PEX5L: variants seen among roughly 807,000 people sequenced by gnomAD.
PEX5L encodes PEX5-related protein.
Under a neutral mutation model 84.0 loss-of-function variants are expected in PEX5L, and 30 were observed. The ratio of observed to expected loss-of-function variants is 0.36; its 90% CI spans 0.27 to 0.48. The LOEUF (loss-of-function observed/expected upper bound fraction) is 0.48, where lower values mean the gene tolerates loss of function less well. Among genes scored for constraint, PEX5L ranks in the 20% least tolerant of loss-of-function variants. The pLI is 0.99. For missense variants in PEX5L, 533 were observed against 754.6 expected (o/e 0.71, Z 3.44); for synonymous variants, 270 against 283.1 (o/e 0.95, Z 0.46).
chr3:179,832,261 G>GAGAGAT (rs1286258798), intron 8 of PEX5L, among the ~76,000 whole-genome samples: 1 of 151,918 alleles, frequency 6.6e-6, no homozygotes, highest in Non-Finnish European at 1.5e-5. Flanking sequence ...GACAGAGAGA[G>GAGAGAT]AGAGATAGAG....
At chr3:179,992,968 A>G (rs1787525595) in intron 1 of PEX5L, among the ~76,000 whole-genome samples, 1 of 152,128 alleles carries the variant, frequency 6.6e-6, no homozygotes. Context: ...TTAGGTGATG[A>G]AAATAAGATT....
At chr3:179,804,814 A>T (rs1044779454) in intron 14 of PEX5L, among the ~76,000 whole-genome samples, 2 of 152,122 alleles carry the variant, frequency 1.3e-5, no homozygotes, top group Non-Finnish European at 2.9e-5. Flanking sequence ...TTCAGAATTC[A>T]TTTAAGATTT....
chr3:179,808,461 AT>A (rs1722271196), intron 12 of PEX5L, 24 bp from the exon 13 acceptor site: 2 of 1,394,720 alleles, frequency 1.4e-6, no homozygotes, highest in Admixed American at 2.7e-5. Flanking sequence ...AAAAAATTAG[AT>A]TTGTAATCCA....
At chr3:179,967,057 G>T (rs1255725106) in intron 2 of PEX5L, among the ~76,000 whole-genome samples, 1 of 152,222 alleles carries the variant, frequency 6.6e-6, no homozygotes, top group Non-Finnish European at 1.5e-5. Context: ...AGGAGTGTTT[G>T]TAGGGAAGTT....
chr3:179,870,509 C>T (rs1032562721), intron 7 of PEX5L, among the ~76,000 whole-genome samples: 1 of 152,212 alleles, frequency 6.6e-6, no homozygotes, highest in Non-Finnish European at 1.5e-5. Flanking sequence ...GATCAAACCT[C>T]TTTCTCTGTT....
At position 179,795,575 on chromosome 3, in the gene PEX5L, C is replaced by G. The variant is rs539262042; in HGVS notation, c.*6253G>C. The G allele has an allele frequency of 1.3e-5, 2 of 152,154 alleles. No homozygotes were observed. The highest frequency in any genetic ancestry group is 2.4e-5 in the African/African-American group (1 of 41,436). The allele number at this position is 152,154 out of a possible 1,614,324, so 9.4% of individuals were successfully genotyped here. On this transcript the variant is annotated 3_prime_UTR_variant, in exon 15 of 15. Transcript: ENST00000467460. Reference sequence around the variant, plus strand: ...CCAATCACTTTAAAATCCCCTCCCCCCCATTGCCATTAATTTACTATAGGT... The same window carrying G: ...CCAATCACTTTAAAATCCCCTCCCCGCCATTGCCATTAATTTACTATAGGT...
chr3:180,012,927 G>A (rs1394081417), intron 1 of PEX5L, among the ~76,000 whole-genome samples: 1 of 151,940 alleles, frequency 6.6e-6, no homozygotes, highest in Non-Finnish European at 1.5e-5. Context: ...TTCATAACAT[G>A]GAGCTTAAAA....
intron 1 of PEX5L, among the ~76,000 whole-genome samples, chr3:180,006,878 T>C (rs926137027): frequency 5.9e-5 from 9 of 152,278 alleles, no homozygotes; most frequent in African/African-American, 2.2e-4. Flanking sequence ...TTCTGGGAGA[T>C]ACAATTAAAG....
At chr3:179,920,608 A>G (rs1223634284) in intron 2 of PEX5L, among the ~76,000 whole-genome samples, 3 of 152,216 alleles carry the variant, frequency 2.0e-5, no homozygotes, top group African/African-American at 4.8e-5. Context: ...TCTATTTTAG[A>G]AAAAGGAGAT....
intron 2 of PEX5L, among the ~76,000 whole-genome samples, chr3:179,922,627 T>C (rs1164863972): frequency 1.3e-5 from 2 of 151,948 alleles, no homozygotes; most frequent in Non-Finnish European, 2.9e-5. Context: ...TACTTTTTTG[T>C]ATTTTTAGTA....
chr3:179,855,091 G>A (rs1224297955), intron 8 of PEX5L, among the ~76,000 whole-genome samples: 5 of 152,172 alleles, frequency 3.3e-5, no homozygotes, highest in Non-Finnish European at 5.9e-5. Flanking sequence ...AAACTTGGGT[G>A]TGGGAGAGGA....
At chr3:180,026,133 C>CTTTTTTTT (rs368852075) in intron 1 of PEX5L, among the ~76,000 whole-genome samples, 22 of 101,712 alleles carry the variant, frequency 2.2e-4, no homozygotes, top group South Asian at 6.8e-4. Context: ...TTTCAGCATT[C>CTTTTTTTT]TTTTTTTTTT....
chr3:180,032,290 A>G (rs1791531596), intron 1 of PEX5L, among the ~76,000 whole-genome samples: 1 of 152,198 alleles, frequency 6.6e-6, no homozygotes, highest in African/African-American at 2.4e-5. Flanking sequence ...ATAAGATGAC[A>G]TTTGAGGAAG....
intron 1 of PEX5L, among the ~76,000 whole-genome samples, chr3:179,999,419 C>T (rs1420613236): frequency 6.6e-6 from 1 of 152,108 alleles, no homozygotes; most frequent in African/African-American, 2.4e-5. Flanking sequence ...GATGGAGTTA[C>T]ACATGGGCTC....
intron 2 of PEX5L, among the ~76,000 whole-genome samples, chr3:179,918,065 G>T (rs959119379): frequency 3.9e-5 from 6 of 152,180 alleles, no homozygotes; most frequent in Non-Finnish European, 8.8e-5. Flanking sequence ...ACACAGAGAG[G>T]TTACCTGGGA....
At chr3:180,013,091 A>G (rs1789632852) in intron 1 of PEX5L, among the ~76,000 whole-genome samples, 1 of 152,224 alleles carries the variant, frequency 6.6e-6, no homozygotes, top group Non-Finnish European at 1.5e-5. Context: ...AGGAAAAGTG[A>G]TCAGTTTTGC....
chr3:180,035,885 A>G (rs1791863423), intron 1 of PEX5L, among the ~76,000 whole-genome samples: 1 of 152,218 alleles, frequency 6.6e-6, no homozygotes, highest in South Asian at 2.1e-4. Context: ...TGAGAACTGG[A>G]GTCAAGGTTA....
intron 3 of PEX5L, among the ~76,000 whole-genome samples, chr3:179,894,389 C>G (rs916492977): frequency 1.3e-5 from 2 of 152,096 alleles, no homozygotes; most frequent in African/African-American, 4.8e-5. Flanking sequence ...CCCCACCCCC[C>G]ACTTCCTATT....
At chr3:179,973,213 T>C (rs1785201328) in intron 1 of PEX5L, 2 of 1,288,714 alleles carry the variant, frequency 1.6e-6, no homozygotes, top group African/African-American at 1.5e-5. Flanking sequence ...TAAGTAGAGA[T>C]GGAATGTGGG....
Sources: allele counts gnomAD v4.1 joint callset (sites outside exome capture counted in the v4.1 genomes callset), GRCh38; gene constraint gnomAD v4.1.1; transcripts MANE v1.5; gene names NCBI Gene and HGNC (gene_info 2026-07-23, HGNC 2026-07-21).